The following ADGRL2 variants were observed in gnomAD, a reference collection of about 807,000 sequenced individuals.
The protein encoded by ADGRL2 is adhesion G protein-coupled receptor L2.
ADGRL2 carries 44 observed loss-of-function variants against 157.4 expected under a neutral mutation model. That is an observed-to-expected ratio of 0.28 (90% CI 0.22 to 0.36). The LOEUF (loss-of-function observed/expected upper bound fraction) is 0.36. Ranked by LOEUF, ADGRL2 falls within the 10% of genes least tolerant of loss-of-function variation. ADGRL2 has a pLI of 1.00. For missense variants in ADGRL2, 1,510 were observed against 1,768.9 expected, an observed-to-expected ratio of 0.85 and a Z score of 2.63; for synonymous variants, 585 against 624.7, an observed-to-expected ratio of 0.94 and a Z score of 0.95.
chr1:81,421,530 ACAATGGT>A (rs1475951703), intron 1 of ADGRL2, among the ~76,000 whole-genome samples: 2 of 152,188 alleles, frequency 1.3e-5, no homozygotes, highest in Non-Finnish European at 2.9e-5. Flanking sequence ...TTACCATGAG[ACAATGGT>A]CTTTCTTTAC....
At chr1:81,450,540 C>T (rs1474000943) in intron 2 of ADGRL2, among the ~76,000 whole-genome samples, 1 of 152,118 alleles carries the variant, frequency 6.6e-6, no homozygotes, top group East Asian at 1.9e-4. Flanking sequence ...AGACCGAAGG[C>T]TGTGCTCTTT....
At chr1:81,461,761 T>C (rs145830046) in intron 2 of ADGRL2, among the ~76,000 whole-genome samples, 179 of 152,262 alleles carry the variant, frequency 1.2e-3, no homozygotes, top group Non-Finnish European at 2.0e-3. Context: ...TATATAAAGA[T>C]AGCTCTGTAA....
intron 1 of ADGRL2, among the ~76,000 whole-genome samples, chr1:81,412,080 A>G (rs1486976794): frequency 6.6e-6 from 1 of 152,156 alleles, no homozygotes; most frequent in Non-Finnish European, 1.5e-5. Context: ...TAAGTTTTTC[A>G]TGCATAAATT....
chr1:81,452,129 T>G (rs1013183973), intron 2 of ADGRL2, among the ~76,000 whole-genome samples: 1 of 152,092 alleles, frequency 6.6e-6, no homozygotes, highest in African/African-American at 2.4e-5. Context: ...GAACATACAT[T>G]GTGTGAAAAC....
At chr1:81,517,464 CAA>C (rs397956551) in intron 2 of ADGRL2, among the ~76,000 whole-genome samples, 8 of 45,270 alleles carry the variant, frequency 1.8e-4, no homozygotes, top group Admixed American at 5.5e-4. Context: ...GACTCCCTCT[CAA>C]AAAAAAAAAA....
chr1:81,466,469 T>C (rs951119673), intron 2 of ADGRL2, among the ~76,000 whole-genome samples: 1 of 152,108 alleles, frequency 6.6e-6, no homozygotes, highest in African/African-American at 2.4e-5. Flanking sequence ...CCTGCACATA[T>C]CCATCAGGTC....
intron 2 of ADGRL2, among the ~76,000 whole-genome samples, chr1:81,447,096 A>G (rs867849017): frequency 2.2e-4 from 33 of 152,260 alleles, no homozygotes; most frequent in African/African-American, 7.0e-4. Context: ...AAAATCATTT[A>G]AAGGGGCAAA....
At chr1:81,747,054 A>ATG (rs1477629117) in intron 1 of ADGRL2, among the ~76,000 whole-genome samples, 14 of 147,210 alleles carry the variant, frequency 9.5e-5, no homozygotes, top group Admixed American at 7.5e-4. Context: ...GTATATACGT[A>ATG]TATACACATG....
intron 1 of ADGRL2, among the ~76,000 whole-genome samples, chr1:81,370,581 C>T (rs1002713980): frequency 5.3e-5 from 8 of 152,102 alleles, no homozygotes; most frequent in Admixed American, 1.3e-4. Context: ...CCTAAAAATA[C>T]TTGTGCATTT....
intron 1 of ADGRL2, among the ~76,000 whole-genome samples, chr1:81,337,916 CAG>C: frequency 6.6e-6 from 1 of 152,290 alleles, no homozygotes; most frequent in South Asian, 2.1e-4. Context: ...CAAATAGGGT[CAG>C]AGTCTTTAGG....
Position 81,793,231 on chromosome 1 carries a change from T to C in ADGRL2, c.-101+31379T>C, listed in dbSNP as rs375687706. Reference sequence around the variant, plus strand: ...CAAAAATATATAATGTATAGCACTCTTGTTTATAATAGAAACATCCAAGAA... The same window carrying C: ...CAAAAATATATAATGTATAGCACTCCTGTTTATAATAGAAACATCCAAGAA... On this transcript the variant is annotated intron_variant, in intron 2 of 20. Coordinates refer to the ADGRL2 transcript ENST00000359929. 2.4e-4 allele frequency among the ~76,000 whole-genome samples: 36 copies of C among 151,146 alleles called. No individual in the cohort carries two copies. The East Asian group carries it at 4.3e-3, about 18-fold the overall frequency.
intron 1 of ADGRL2, among the ~76,000 whole-genome samples, chr1:81,408,102 T>C (rs1240618495): frequency 6.6e-6 from 1 of 152,206 alleles, no homozygotes; most frequent in African/African-American, 2.4e-5. Flanking sequence ...TTTGTTACGA[T>C]GTACATCTAT....
chr1:81,747,201 A>ATG (rs1557616551), intron 1 of ADGRL2, among the ~76,000 whole-genome samples: 1 of 116,728 alleles, frequency 8.6e-6, no homozygotes, highest in Non-Finnish European at 1.9e-5. Flanking sequence ...GTATGCATGT[A>ATG]TATATATGTA....
intron 2 of ADGRL2, among the ~76,000 whole-genome samples, chr1:81,523,583 C>T (rs554355498): frequency 6.6e-6 from 1 of 151,996 alleles, no homozygotes; most frequent in South Asian, 2.1e-4. Context: ...TTAAATAAAA[C>T]AAAAAATGGT....
At chr1:81,307,208 C>T (rs1000764852) in intron 1 of ADGRL2, among the ~76,000 whole-genome samples, 3 of 152,160 alleles carry the variant, frequency 2.0e-5, no homozygotes, top group South Asian at 4.1e-4. Context: ...TTGTATAACA[C>T]TGTTTGAGAT....
chr1:81,955,220 C>T (rs1203396790), intron 10 of ADGRL2, among the ~76,000 whole-genome samples: 1 of 152,038 alleles, frequency 6.6e-6, no homozygotes. Context: ...TTCTTTATCC[C>T]TTTAAAAGCA....
intron 3 of ADGRL2, among the ~76,000 whole-genome samples, chr1:81,587,484 G>T (rs2081050643): frequency 6.6e-6 from 1 of 152,050 alleles, no homozygotes; most frequent in Admixed American, 6.6e-5. Context: ...TGAAACCAAA[G>T]CATGTCTTAT....
intron 3 of ADGRL2, among the ~76,000 whole-genome samples, chr1:81,684,091 A>T (rs2083179950): frequency 6.6e-6 from 1 of 152,178 alleles, no homozygotes. Flanking sequence ...CTGGGATTAC[A>T]GGCGTGAGCC....
At chr1:81,430,674 A>AGTT (rs376586643) in intron 1 of ADGRL2, among the ~76,000 whole-genome samples, 4 of 151,912 alleles carry the variant, frequency 2.6e-5, no homozygotes, top group African/African-American at 7.3e-5. Flanking sequence ...ATTTCAAGTT[A>AGTT]GTTGTTGTTG....
Sources: allele counts gnomAD v4.1 joint callset (sites outside exome capture counted in the v4.1 genomes callset), GRCh38; gene constraint gnomAD v4.1.1; transcripts MANE v1.5; gene names NCBI Gene and HGNC (gene_info 2026-07-23, HGNC 2026-07-21).